The following ZNF407 variants were observed in gnomAD, a reference collection of about 807,000 sequenced individuals.
ZNF407 encodes the protein zinc finger protein 407.
In ZNF407, 17 loss-of-function variants were observed where a neutral mutation model predicts 131.2. The ratio of observed to expected loss-of-function variants is 0.13; its 90% CI spans 0.09 to 0.19. The LOEUF (loss-of-function observed/expected upper bound fraction) is 0.19, where lower values mean the gene tolerates loss of function less well. ZNF407 is among the 10% of genes least tolerant of loss of function. The probability of loss-of-function intolerance (pLI) is 1.00; values close to 1 mark genes in which losing one functional copy is unlikely to be tolerated. For synonymous variants in ZNF407, 1,156 were observed against 1,062.0 expected (o/e 1.09, Z -1.72); for missense variants, 2,681 against 2,830.6 (o/e 0.95, Z 1.20).
intron 4 of ZNF407, among the ~76,000 whole-genome samples, chr18:74,868,217 A>G (rs543360329): frequency 4.6e-5 from 7 of 152,350 alleles, no homozygotes; most frequent in South Asian, 2.1e-4. Flanking sequence ...CAGCATTGCT[A>G]TAGCTAACAT....
intron 3 of ZNF407, among the ~76,000 whole-genome samples, chr18:74,673,697 A>G (rs1012738626): frequency 6.6e-6 from 1 of 152,216 alleles, no homozygotes; most frequent in Non-Finnish European, 1.5e-5. Context: ...GGTATTTATT[A>G]AAGGGTTAGC....
At chr18:74,740,360 A>AT (rs531751966) in intron 3 of ZNF407, among the ~76,000 whole-genome samples, 141 of 152,322 alleles carry the variant, frequency 9.3e-4, no homozygotes, top group Non-Finnish European at 1.6e-3. Flanking sequence ...TGATGTATAG[A>AT]TTCTTAACCT....
At chr18:75,053,986 C>T (rs575278881) in intron 8 of ZNF407, among the ~76,000 whole-genome samples, 1 of 152,346 alleles carries the variant, frequency 6.6e-6, no homozygotes, top group Non-Finnish European at 1.5e-5. Context: ...CTTTCATTTC[C>T]TGGACTCAGG....
chr18:74,646,892 A>G (rs980262397), intron 3 of ZNF407, among the ~76,000 whole-genome samples: 1 of 151,956 alleles, frequency 6.6e-6, no homozygotes, highest in Non-Finnish European at 1.5e-5. Flanking sequence ...ATCCTGGTTT[A>G]TTTTTCTGTG....
rs537456480 is a variant in ZNF407 at position 74,987,824 on chromosome 18, G to C, written c.5428+67132G>C. Among the ~76,000 whole-genome samples, 42 of 152,270 alleles carry C rather than the reference G, an allele frequency of 2.8e-4. 1 individual carries two copies. The highest frequency in any genetic ancestry group is 8.7e-4 in the African/African-American group (36 of 41,570). ...AGTTAAAGAAGACCAAGATAGTAGAGATTCCACATTTATAGATGGGAGGAC... is the reference window on the plus strand; with the variant it reads ...AGTTAAAGAAGACCAAGATAGTAGACATTCCACATTTATAGATGGGAGGAC... On this transcript the variant is annotated intron_variant, in intron 8 of 8. Transcript: ENST00000299687.
At chr18:74,809,778 G>A (rs971946125) in intron 4 of ZNF407, among the ~76,000 whole-genome samples, 1 of 152,162 alleles carries the variant, frequency 6.6e-6, no homozygotes. Context: ...AGAGTGTATG[G>A]AGGTCTAAGC....
Position 74,633,142 on chromosome 18 carries a change from A to T in ZNF407, c.2123A>T (p.Lys708Met), listed in dbSNP as rs1873344751. The change falls in exon 2 of 9, where the codon AAG becomes ATG. Residue 708 changes from lysine to methionine, a missense_variant. Around this residue, in one of 6 missense-constraint regions of ZNF407, gnomAD observed 1,789 missense variants for 1,748.7 expected, o/e 1.02. Coordinates refer to ENST00000299687, the MANE Select transcript of ZNF407 (RefSeq NM_017757.3). ...RHSSKPQFQCKKCFYKTRSST... is the reference protein window; with the variant it reads ...RHSSKPQFQCMKCFYKTRSST... Reference sequence around the variant, plus strand: ...TCCAGTAAGCCTCAGTTTCAGTGTAAGAAGTGTTTTTATAAAACAAGATCT... The same window carrying T: ...TCCAGTAAGCCTCAGTTTCAGTGTATGAAGTGTTTTTATAAAACAAGATCT... 1.2e-6 allele frequency: 2 copies of T among 1,613,202 alleles called. No individual in the cohort carries two copies. The highest frequency in any genetic ancestry group is 2.2e-5 in the South Asian group (2 of 90,878).
chr18:74,861,017 A>G (rs959989431), intron 4 of ZNF407, among the ~76,000 whole-genome samples: 2 of 152,140 alleles, frequency 1.3e-5, no homozygotes, highest in African/African-American at 2.4e-5. Context: ...TTAAAAATGT[A>G]CCTTGGGAGC....
chr18:74,750,901 T>C (rs1049655143), intron 3 of ZNF407, among the ~76,000 whole-genome samples: 9 of 152,216 alleles, frequency 5.9e-5, no homozygotes, highest in African/African-American at 2.2e-4. Flanking sequence ...GATATATCAT[T>C]GACGTTTTGA....
At chr18:74,652,152 T>G (rs1292036040) in intron 3 of ZNF407, among the ~76,000 whole-genome samples, 1 of 152,102 alleles carries the variant, frequency 6.6e-6, no homozygotes, top group Admixed American at 6.6e-5. Flanking sequence ...TTTGAAAATA[T>G]TATTCAGAGC....
chr18:74,815,550 G>A (rs903745934), intron 4 of ZNF407, among the ~76,000 whole-genome samples: 1 of 152,094 alleles, frequency 6.6e-6, no homozygotes, highest in African/African-American at 2.4e-5. Flanking sequence ...CTAGCAATAT[G>A]GGATATATTG....
chr18:75,063,599 G>T lies in ZNF407; in HGVS notation c.5878G>T (p.Gly1960Cys). The change falls in exon 9 of 9, where the codon GGT becomes TGT. Residue 1960 changes from glycine (G) to cysteine (C), a missense_variant. Gly to Cys is a radical substitution (Grantham distance 159, BLOSUM62 -3). Transcript: ENST00000299687. This position sits in a 1 kb window ranked among gnomAD's most constrained non-coding sequence, Gnocchi z 6.6. ...GHGMDESLSP[G>C]GAVIQQVTKQ... ...CGGCATGGATGAGTCCCTCAGTCCA[G>T]GTGGCGCTGTGATACAACAGGTGAC... 1 of 1,573,338 alleles carries T rather than the reference G, an allele frequency of 6.4e-7. No individual in the cohort carries two copies. Among genetic ancestry groups the T allele is most frequent in the Non-Finnish European group, 8.6e-7 (1 of 1,160,970 alleles).
At chr18:74,894,908 A>G (rs1971432647) in intron 7 of ZNF407, among the ~76,000 whole-genome samples, 1 of 152,022 alleles carries the variant, frequency 6.6e-6, no homozygotes, top group Admixed American at 6.6e-5. Flanking sequence ...GTTTTCCTTA[A>G]CTGTGTCACT....
chr18:74,976,940 T>C (rs1039802807), intron 8 of ZNF407, among the ~76,000 whole-genome samples: 1 of 152,240 alleles, frequency 6.6e-6, no homozygotes, highest in South Asian at 2.1e-4. Context: ...CTTTGAACTC[T>C]TCCAGATAGG....
chr18:74,998,302 A>G (rs1363538427), intron 8 of ZNF407, among the ~76,000 whole-genome samples: 23 of 152,172 alleles, frequency 1.5e-4, no homozygotes, highest in Non-Finnish European at 8.8e-5. Context: ...TACTTTTTGA[A>G]TTAAATGAAT....
intron 4 of ZNF407, among the ~76,000 whole-genome samples, chr18:74,783,242 A>T (rs1969641917): frequency 6.6e-6 from 1 of 152,200 alleles, no homozygotes; most frequent in Non-Finnish European, 1.5e-5. Context: ...CATAAATAAT[A>T]AATGATGGAA....
At chr18:74,751,842 G>A (rs1968811588) in intron 3 of ZNF407, among the ~76,000 whole-genome samples, 1 of 152,190 alleles carries the variant, frequency 6.6e-6, no homozygotes, top group South Asian at 2.1e-4. Flanking sequence ...ACATGTGCGT[G>A]TGTCTTTATA....
At chr18:75,002,792 G>A (rs552840891) in intron 8 of ZNF407, among the ~76,000 whole-genome samples, 17 of 121,202 alleles carry the variant, frequency 1.4e-4, no homozygotes, top group South Asian at 9.7e-4. Context: ...GCAACAGAGC[G>A]AGACTCCGGC....
chr18:75,055,272 C>T (rs939067465), intron 8 of ZNF407, among the ~76,000 whole-genome samples: 9 of 152,202 alleles, frequency 5.9e-5, no homozygotes, highest in Non-Finnish European at 1.3e-4. Context: ...GCCATCTCAT[C>T]GCCCTCCATG....
Sources: allele counts gnomAD v4.1 joint callset (sites outside exome capture counted in the v4.1 genomes callset), GRCh38; gene constraint gnomAD v4.1.1; regional missense constraint gnomAD v4.1.1; non-coding constraint Gnocchi (gnomAD v3.1); transcripts MANE v1.5; gene names NCBI Gene and HGNC (gene_info 2026-07-23, HGNC 2026-07-21).